PALM2AKAP2: variants seen among roughly 807,000 people sequenced by gnomAD.
The protein encoded by PALM2AKAP2 is PALM2-AKAP2 fusion protein.
PALM2AKAP2 carries 37 observed loss-of-function variants against 71.5 expected under a neutral mutation model. The observed-to-expected ratio is 0.52, with a 90% confidence interval of 0.40 to 0.68. The LOEUF (loss-of-function observed/expected upper bound fraction) is 0.68, where lower values mean the gene tolerates loss of function less well. Ranked by LOEUF, PALM2AKAP2 falls within the 30% of genes least tolerant of loss-of-function variation. PALM2AKAP2 has a pLI of 0.00. For missense variants in PALM2AKAP2, 1,224 were observed against 1,191.8 expected, an observed-to-expected ratio of 1.03 and a Z score of -0.40; for synonymous variants, 468 against 478.8, an observed-to-expected ratio of 0.98 and a Z score of 0.29.
intron 5 of PALM2AKAP2, among the ~76,000 whole-genome samples, chr9:109,925,768 G>T (rs1830943227): frequency 6.6e-6 from 1 of 152,106 alleles, no homozygotes; most frequent in Admixed American, 6.5e-5. Flanking sequence ...TTGAGATTGT[G>T]TACTTCTCAC....
chr9:110,119,561 T>C (rs1021896674), intron 1 of PALM2AKAP2, among the ~76,000 whole-genome samples: 3 of 152,114 alleles, frequency 2.0e-5, no homozygotes, highest in Non-Finnish European at 2.9e-5. Flanking sequence ...CGTTGCCAAA[T>C]TGCCATCCAA....
At chr9:109,703,850 G>A (rs1312550706) in intron 1 of PALM2AKAP2, among the ~76,000 whole-genome samples, 1 of 152,120 alleles carries the variant, frequency 6.6e-6, no homozygotes, top group Non-Finnish European at 1.5e-5. Context: ...ATTAGTTTAT[G>A]CAGTCCTTGG....
chr9:109,897,764 T>C (rs1375013980), intron 3 of PALM2AKAP2, among the ~76,000 whole-genome samples: 1 of 152,232 alleles, frequency 6.6e-6, no homozygotes, highest in Admixed American at 6.5e-5. Flanking sequence ...TCATTCAATA[T>C]GAAAAGCAAG....
At chr9:110,025,589 G>A (rs1467944035) in intron 7 of PALM2AKAP2, among the ~76,000 whole-genome samples, 2 of 151,982 alleles carry the variant, frequency 1.3e-5, no homozygotes, top group East Asian at 1.9e-4. Flanking sequence ...GGTAAATCTG[G>A]GTTTAACTTT....
rs114811300 is a variant in PALM2AKAP2, at chr9:110,101,181, C to T, written c.157-34946C>T. ...GTGTCTTTTTACCAGGTCTTATCCC[C>T]GCTTCAGCCTTTTCTCTCCTGTTAG... On this transcript the variant is annotated intron_variant, in intron 1 of 3. Transcript: ENST00000374525. 6.5e-3 allele frequency among the ~76,000 whole-genome samples: 983 copies of T among 152,204 alleles called. 13 individuals carry two copies. The highest frequency in any genetic ancestry group is 0.023 in the African/African-American group (944 of 41,516).
intron 1 of PALM2AKAP2, among the ~76,000 whole-genome samples, chr9:109,694,170 C>T (rs149285565): frequency 4.6e-4 from 70 of 151,996 alleles, no homozygotes; most frequent in African/African-American, 1.7e-3. Flanking sequence ...CTCAAAACAT[C>T]AAGAAAGTGT....
chr9:110,156,523 C>A, intron 3 of PALM2AKAP2, 26 bp downstream of exon 9: 1 of 1,577,712 alleles, frequency 6.3e-7, no homozygotes, highest in East Asian at 2.3e-5. Context: ...TTTCCTCTTT[C>A]ACTTCTCTGA....
chr9:110,029,711 A>G (rs2132407115), intron 7 of PALM2AKAP2, among the ~76,000 whole-genome samples: 1 of 152,322 alleles, frequency 6.6e-6, no homozygotes, highest in South Asian at 2.1e-4. Flanking sequence ...GAACCAAGCC[A>G]CGCAAACCAA....
At chr9:109,862,968 A>G (rs1422249380) in intron 1 of PALM2AKAP2, 1 of 506,758 alleles carries the variant, frequency 2.0e-6, no homozygotes, top group Non-Finnish European at 3.9e-6. Context: ...TGAAGCTGTG[A>G]AATAGACAGG....
At chr9:110,023,580 C>T (rs1022786349) in intron 7 of PALM2AKAP2, among the ~76,000 whole-genome samples, 3 of 151,952 alleles carry the variant, frequency 2.0e-5, no homozygotes, top group Admixed American at 6.6e-5. Context: ...TCACAAAGTG[C>T]TGGGATTACA....
At chr9:109,792,690 C>T (rs1460353978) in intron 1 of PALM2AKAP2, among the ~76,000 whole-genome samples, 1 of 151,974 alleles carries the variant, frequency 6.6e-6, no homozygotes, top group East Asian at 1.9e-4. Context: ...TGGTGGGGAA[C>T]TGTTTCATAA....
intron 1 of PALM2AKAP2, among the ~76,000 whole-genome samples, chr9:109,689,059 T>C (rs1218794658): frequency 6.6e-6 from 1 of 152,190 alleles, no homozygotes; most frequent in African/African-American, 2.4e-5. Context: ...AGGTAGGCTC[T>C]GAAGGATCAC....
intron 1 of PALM2AKAP2, among the ~76,000 whole-genome samples, 167 bp downstream of exon 1, chr9:109,780,700 A>G (rs1020779538): frequency 6.6e-6 from 1 of 152,110 alleles, no homozygotes; most frequent in East Asian, 1.9e-4. Context: ...TTCTATGTCT[A>G]TAGATGGAGA....
At chr9:109,819,695 G>A (rs1278008557) in intron 1 of PALM2AKAP2, among the ~76,000 whole-genome samples, 1 of 124,808 alleles carries the variant, frequency 8.0e-6, no homozygotes, top group Non-Finnish European at 1.5e-5. Flanking sequence ...CTAATTATGT[G>A]TGTGTGTGTA....
At chr9:109,653,205 A>G (rs191700779) in intron 1 of PALM2AKAP2, among the ~76,000 whole-genome samples, 2 of 152,236 alleles carry the variant, frequency 1.3e-5, no homozygotes, top group Admixed American at 1.3e-4. Context: ...CAGCTTTCAG[A>G]TGATGGTGCA....
At chr9:109,775,722 AAG>A (rs1213880557), upstream of PALM2AKAP2, among the ~76,000 whole-genome samples, 1 of 152,200 alleles carries the variant, frequency 6.6e-6, no homozygotes, top group African/African-American at 2.4e-5. Flanking sequence ...CTTGCTCAAC[AAG>A]ACTGACTTTT....
intron 1 of PALM2AKAP2, among the ~76,000 whole-genome samples, chr9:109,818,217 T>C (rs979656172): frequency 6.6e-6 from 1 of 152,342 alleles, no homozygotes; most frequent in Admixed American, 6.5e-5. Context: ...TCGAAAAATG[T>C]ACTTGCTACA....
At chr9:109,899,489 C>T (rs996962079) in intron 3 of PALM2AKAP2, among the ~76,000 whole-genome samples, 5 of 152,198 alleles carry the variant, frequency 3.3e-5, no homozygotes, top group Non-Finnish European at 7.3e-5. Context: ...CTGACCTAAC[C>T]TCTGCCACCC....
intron 7 of PALM2AKAP2, among the ~76,000 whole-genome samples, chr9:110,034,433 C>T (rs1195517814): frequency 1.3e-5 from 2 of 152,156 alleles, no homozygotes; most frequent in African/African-American, 4.8e-5. Flanking sequence ...TCTGGGATTA[C>T]AGGCGTGAAC....
Sources: gnomAD v4.1 joint callset for allele counts (sites outside exome capture counted in the v4.1 genomes callset) on GRCh38, gnomAD v4.1.1 for gene constraint, MANE v1.5 for transcripts, NCBI Gene and HGNC (gene_info 2026-07-23, HGNC 2026-07-21) for gene names.